The following DIS3L2 variants were observed in gnomAD, a reference collection of about 807,000 sequenced individuals.
DIS3L2 encodes the protein DIS3 like 3'-5' exoribonuclease 2, also known as DIS3-like exonuclease 2.
DIS3L2 carries 34 observed loss-of-function variants against 97.5 expected under a neutral mutation model. The observed-to-expected ratio is 0.35, with a 90% CI of 0.27 to 0.46. The LOEUF (loss-of-function observed/expected upper bound fraction) is 0.46. Ranked by LOEUF, DIS3L2 falls within the 20% of genes least tolerant of loss-of-function variation. The pLI is 1.00. For missense variants in DIS3L2, 1,038 were observed against 1,146.0 expected (o/e 0.91, Z 1.36); for synonymous variants, 435 against 445.2 (o/e 0.98, Z 0.29).
intron 6 of DIS3L2, among the ~76,000 whole-genome samples, chr2:232,130,104 G>A (rs1047565855): frequency 6.6e-6 from 1 of 152,180 alleles, no homozygotes; most frequent in East Asian, 1.9e-4. Flanking sequence ...CTAAGAAAAA[G>A]CCAGGAAAAT....
chr2:232,310,325 T>C (rs1476581505), intron 14 of DIS3L2, among the ~76,000 whole-genome samples: 1 of 152,172 alleles, frequency 6.6e-6, no homozygotes, highest in Non-Finnish European at 1.5e-5. Flanking sequence ...TGCAGCTGTA[T>C]TGTGCACGTG....
intron 8 of DIS3L2, among the ~76,000 whole-genome samples, chr2:232,159,839 T>C (rs942505551): frequency 6.6e-6 from 1 of 152,228 alleles, no homozygotes; most frequent in African/African-American, 2.4e-5. Flanking sequence ...TGTTGAAATT[T>C]TGTCAAATGC....
intron 1 of DIS3L2, among the ~76,000 whole-genome samples, chr2:231,962,595 C>G (rs532841934): frequency 1.3e-5 from 2 of 152,028 alleles, no homozygotes; most frequent in Non-Finnish European, 2.9e-5. Flanking sequence ...CCACCCCGCC[C>G]GGCTAATTTT....
At chr2:232,271,579 T>G (rs1034258315) in intron 13 of DIS3L2, among the ~76,000 whole-genome samples, 1 of 152,246 alleles carries the variant, frequency 6.6e-6, no homozygotes, top group Non-Finnish European at 1.5e-5. Context: ...AATATTAGCC[T>G]CCTACATTTT....
In DIS3L2 at chr2:232,014,825, T is replaced by C. The variant is rs1354142512; in HGVS notation, c.-93-10T>C. ...CCGCTCTCCAATTACCAATCTCTTC[T>C]TGGTTTCAGCGAATGACAACAGAGC... On this transcript the variant is annotated splice_polypyrimidine_tract_variant and intron_variant, in intron 1 of 20. Transcript: ENST00000325385. 5 of 1,289,868 alleles carry C rather than the reference T, an allele frequency of 3.9e-6. No individual in the cohort carries two copies. The highest frequency in any genetic ancestry group is 5.4e-6 in the Non-Finnish European group (5 of 919,630). 79.9% of individuals were successfully genotyped at this position (1,289,868 alleles called of 1,614,324 possible). A position where few individuals can be genotyped will look rare whatever the true frequency, so the allele number is the denominator to read the frequency against.
At chr2:232,063,309 T>G (rs1286029260) in intron 5 of DIS3L2, among the ~76,000 whole-genome samples, 1 of 152,212 alleles carries the variant, frequency 6.6e-6, no homozygotes, top group Non-Finnish European at 1.5e-5. Context: ...TTATAACATT[T>G]CTATTTTGAT....
chr2:232,287,401 C>A (rs1458759281), intron 13 of DIS3L2, among the ~76,000 whole-genome samples: 3 of 86,246 alleles, frequency 3.5e-5, no homozygotes, highest in African/African-American at 5.4e-5. Context: ...CCCCCCCCCC[C>A]CCGCTTTTAT....
chr2:232,000,688 C>A (rs1319284757), intron 1 of DIS3L2, among the ~76,000 whole-genome samples: 1 of 109,238 alleles, frequency 9.2e-6, no homozygotes, highest in Non-Finnish European at 1.9e-5. Flanking sequence ...CTCTTTCTGT[C>A]TTTCTCTCTT....
At chr2:232,069,550 A>G (rs1240711722) in intron 5 of DIS3L2, among the ~76,000 whole-genome samples, 2 of 152,222 alleles carry the variant, frequency 1.3e-5, no homozygotes, top group Non-Finnish European at 2.9e-5. Flanking sequence ...TAATCAGTGT[A>G]GTTCACTTCC....
intron 14 of DIS3L2, among the ~76,000 whole-genome samples, chr2:232,323,691 TTG>T (rs1426297342): frequency 6.6e-6 from 1 of 152,070 alleles, no homozygotes; most frequent in East Asian, 1.9e-4. Context: ...ATTCAGGAGG[TTG>T]CAGTGCGCGC....
intron 12 of DIS3L2, among the ~76,000 whole-genome samples, chr2:232,258,550 C>T (rs574311874): frequency 6.9e-6 from 1 of 144,634 alleles, no homozygotes; most frequent in Non-Finnish European, 1.5e-5. Context: ...TGCCACTGCA[C>T]TCCAACCTGG....
At chr2:232,201,008 C>G (rs968885741) in intron 9 of DIS3L2, among the ~76,000 whole-genome samples, 3 of 152,190 alleles carry the variant, frequency 2.0e-5, no homozygotes, top group African/African-American at 7.2e-5. Flanking sequence ...CTTCTGACCT[C>G]AGGTGATCTG....
chr2:232,213,737 A>G (rs1404583239), intron 10 of DIS3L2, among the ~76,000 whole-genome samples: 1 of 137,660 alleles, frequency 7.3e-6, no homozygotes, highest in Non-Finnish European at 1.5e-5. Context: ...CTGAATGACC[A>G]TTCTGTGAAA....
At chr2:232,018,611 C>T (rs1460414874) in intron 3 of DIS3L2, among the ~76,000 whole-genome samples, 1 of 152,042 alleles carries the variant, frequency 6.6e-6, no homozygotes, top group African/African-American at 2.4e-5. Context: ...TACTTAGAAA[C>T]TTTTGTTAAC....
intron 9 of DIS3L2, 137 bp from the exon 10 acceptor site, chr2:232,210,189 C>T (rs1336119550): frequency 4.9e-6 from 3 of 614,404 alleles, no homozygotes; most frequent in Non-Finnish European, 8.9e-6. Flanking sequence ...CTAAAGATCT[C>T]ATTCTCGTAG....
intron 9 of DIS3L2, among the ~76,000 whole-genome samples, chr2:232,188,119 G>A (rs183386389): frequency 1.3e-5 from 2 of 152,138 alleles, no homozygotes; most frequent in East Asian, 1.9e-4. Flanking sequence ...CGGCCTGGGC[G>A]ACAGAGCAAG....
chr2:232,173,826 G>A (rs1472580803), intron 9 of DIS3L2, among the ~76,000 whole-genome samples: 1 of 152,188 alleles, frequency 6.6e-6, no homozygotes, highest in Admixed American at 6.5e-5. Context: ...GTACCACACT[G>A]TCTAAATTAT....
chr2:232,245,868 T>G (rs1176111362), intron 11 of DIS3L2, among the ~76,000 whole-genome samples: 1 of 152,246 alleles, frequency 6.6e-6, no homozygotes, highest in African/African-American at 2.4e-5. Flanking sequence ...ACTAGTTGTT[T>G]ATGAAGTTTT....
At position 232,024,329 on chromosome 2, in the gene DIS3L2, C is replaced by A; in HGVS notation, c.263C>A (p.Pro88Gln). ...KKFHEAFIPS[P>Q]DGDRDIFIDG... The stretch of plus-strand genomic sequence containing the variant: ...TTTCATGAAGCCTTCATTCCTTCCC[C>A]GGTAAGTTCAATAAATTTATAATAA... The change falls in exon 4 of 21, where the codon CCG becomes CAG. Residue 88 changes from proline (P) to glutamine (Q), a missense_variant and splice_region_variant. Transcript: ENST00000325385. 1 of 1,597,444 alleles carries A rather than the reference C, an allele frequency of 6.3e-7. No homozygotes were observed. Among genetic ancestry groups the A allele is most frequent in the South Asian group, 1.1e-5 (1 of 87,150 alleles).
Sources: allele counts gnomAD v4.1 joint callset (sites outside exome capture counted in the v4.1 genomes callset), GRCh38; gene constraint gnomAD v4.1.1; transcripts MANE v1.5; gene names NCBI Gene and HGNC (gene_info 2026-07-23, HGNC 2026-07-21).